Variants in GPT2 observed in about 807,000 individuals in gnomAD.
GPT2 encodes the protein alanine aminotransferase 2.
GPT2 carries 30 observed loss-of-function variants against 56.9 expected under a neutral mutation model. The ratio of observed to expected loss-of-function variants is 0.53; its 90% CI spans 0.39 to 0.72. The LOEUF is 0.72. GPT2 is among the 30% of genes least tolerant of loss of function. GPT2 has a pLI of 0.00. For missense variants in GPT2, 542 were observed against 703.4 expected, an observed-to-expected ratio of 0.77 and a Z score of 2.60; for synonymous variants, 271 against 283.1, an observed-to-expected ratio of 0.96 and a Z score of 0.43.
At chr16:46,896,452 CTT>C (rs375141675) in intron 2 of GPT2, among the ~76,000 whole-genome samples, 3 of 145,016 alleles carry the variant, frequency 2.1e-5, no homozygotes, top group Non-Finnish European at 1.5e-5. Context: ...ATCCCTGATG[CTT>C]TTTTTTTTTT....
chr16:46,918,908 C>A (rs937097185), intron 8 of GPT2, 151 bp downstream of exon 8: 2 of 967,396 alleles, frequency 2.1e-6, no homozygotes, highest in Non-Finnish European at 3.0e-6. Context: ...GTGGGAGAGC[C>A]GTGGTGTGAG....
chr16:46,894,432 C>A (rs1008484802), intron 2 of GPT2, among the ~76,000 whole-genome samples: 3 of 152,208 alleles, frequency 2.0e-5, no homozygotes, highest in Admixed American at 2.0e-4. Flanking sequence ...TGAGCAAGGA[C>A]CCCATGCCAG....
At chr16:46,920,818 TTC>T (rs1961273250) in intron 8 of GPT2, among the ~76,000 whole-genome samples, 1 of 152,146 alleles carries the variant, frequency 6.6e-6, no homozygotes, top group African/African-American at 2.4e-5. Context: ...AACAAATCTG[TTC>T]TCGGTGAACT....
intron 3 of GPT2, among the ~76,000 whole-genome samples, chr16:46,899,016 TATATATATATATATATATA>T (rs1567335235): frequency 0.18 from 1,461 of 7,970 alleles, 31 homozygotes; most frequent in African/African-American, 0.29. Flanking sequence ...TATATATATA[TATATATATATATATATATA>T]TTTTTTTTTT....
intron 4 of GPT2, among the ~76,000 whole-genome samples, chr16:46,904,411 TTAAA>T (rs1273669185): frequency 6.6e-6 from 1 of 152,206 alleles, no homozygotes; most frequent in East Asian, 1.9e-4. Context: ...ACCTTGTCTC[TTAAA>T]TAAACTAATA....
At chr16:46,913,877 G>A (rs1354605452) in intron 6 of GPT2, among the ~76,000 whole-genome samples, 1 of 152,134 alleles carries the variant, frequency 6.6e-6, no homozygotes, top group African/African-American at 2.4e-5. Flanking sequence ...GTTTGAGGCT[G>A]CAGTGAGCTA....
intron 2 of GPT2, among the ~76,000 whole-genome samples, chr16:46,891,093 G>T (rs1274278817): frequency 6.6e-6 from 1 of 151,868 alleles, no homozygotes; most frequent in Non-Finnish European, 1.5e-5. Context: ...GGCGGGTCTC[G>T]ACCTCCCAAC....
At chr16:46,898,135 G>A (rs1038781275) in intron 3 of GPT2, among the ~76,000 whole-genome samples, 1 of 152,222 alleles carries the variant, frequency 6.6e-6, no homozygotes, top group Admixed American at 6.5e-5. Context: ...CCTCCTGGGT[G>A]TGAGTGTGGG....
chr16:46,903,515 C>T (rs1960860762), intron 4 of GPT2, among the ~76,000 whole-genome samples: 1 of 152,106 alleles, frequency 6.6e-6, no homozygotes, highest in Non-Finnish European at 1.5e-5. Context: ...CACTGTTGTC[C>T]AGGCTACTCT....
At position 46,929,789 on chromosome 16, in the gene GPT2, C is replaced by CG. The variant is rs1389621986; in HGVS notation, c.*794dup. On this transcript the variant is annotated 3_prime_UTR_variant, in exon 12 of 12. Transcript: ENST00000340124. ...AATTTCAGTGACACATAGTGCAGCC[C>CG]GGCAGTGTCCCACTTCCGTGGAGAG... 6.6e-6 allele frequency: 1 copy of CG among 152,394 alleles called. No homozygotes were observed. Among genetic ancestry groups the CG allele is most frequent in the African/African-American group, 2.4e-5 (1 of 41,476 alleles). The allele number at this position is 152,394 out of a possible 1,614,324, so 9.4% of individuals were successfully genotyped here.
At chr16:46,918,429 C>T (rs962743780) in intron 7 of GPT2, among the ~76,000 whole-genome samples, 192 bp from the exon 8 acceptor site, 1 of 152,206 alleles carries the variant, frequency 6.6e-6, no homozygotes, top group Non-Finnish European at 1.5e-5. Flanking sequence ...AGCATCCAGC[C>T]TGAGGCCTTG....
chr16:46,893,451 C>T (rs1253258575), intron 2 of GPT2, among the ~76,000 whole-genome samples: 12 of 152,176 alleles, frequency 7.9e-5, no homozygotes, highest in African/African-American at 2.9e-4. Flanking sequence ...TATTTTTGAT[C>T]CACGGTTGGT....
At chr16:46,893,121 TTG>T (rs869091947) in intron 2 of GPT2, among the ~76,000 whole-genome samples, 11 of 4,378 alleles carry the variant, frequency 2.5e-3, no homozygotes, top group East Asian at 0.077. Flanking sequence ...CCTGAATTTT[TTG>T]TTTGTTTGTT....
intron 2 of GPT2, among the ~76,000 whole-genome samples, chr16:46,893,903 G>C (rs1190227079): frequency 6.6e-6 from 1 of 152,174 alleles, no homozygotes; most frequent in Non-Finnish European, 1.5e-5. Context: ...AGGTTCCCAT[G>C]GGTGCTGTGC....
intron 3 of GPT2, among the ~76,000 whole-genome samples, chr16:46,898,844 C>T (rs1960737678): frequency 1.3e-5 from 2 of 148,366 alleles, no homozygotes; most frequent in African/African-American, 2.5e-5. Context: ...GCCACCATAC[C>T]TGGCCTGTTT....
chr16:46,892,270 T>A (rs1960600810), intron 2 of GPT2, among the ~76,000 whole-genome samples: 1 of 152,244 alleles, frequency 6.6e-6, no homozygotes, highest in South Asian at 2.1e-4. Flanking sequence ...GATTTTCTTA[T>A]TTTTTAAATG....
Position 46,899,018 on chromosome 16 carries a change from TATATATATATATATATA to T in GPT2, c.333+1282_333+1298del, listed in dbSNP as rs1396456851. 8.6e-3 allele frequency among the ~76,000 whole-genome samples: 55 copies of T among 6,364 alleles called. 1 individual carries two copies. Among genetic ancestry groups the T allele is most frequent in the Admixed American group, 0.019 (8 of 428 alleles). 4.2% of individuals were successfully genotyped at this position (6,364 alleles called of 152,430 possible). A position where few individuals can be genotyped will look rare whatever the true frequency, so the allele number is the denominator to read the frequency against. ...ACACACATATATATATATATATATA[TATATATATATATATATA>T]TTTTTTTTTTTTTAGAGACAGAGTC... On this transcript the variant is annotated intron_variant, in intron 3 of 11. Coordinates refer to ENST00000340124, the MANE Select transcript of GPT2 (RefSeq NM_133443.4).
chr16:46,927,065 T>C, intron 11 of GPT2, 28 bp downstream of exon 11: 1 of 1,422,982 alleles, frequency 7.0e-7, no homozygotes, highest in African/African-American at 1.4e-5. Flanking sequence ...CACTAGGGGC[T>C]GGTCCGGGTC....
chr16:46,898,864 TTATATACATATATATATA>T (rs1161060819), intron 3 of GPT2, among the ~76,000 whole-genome samples: 4 of 144,858 alleles, frequency 2.8e-5, no homozygotes, highest in African/African-American at 5.1e-5. Flanking sequence ...TTATTTATAT[TTATATACATATATATATA>T]TATATACGTA....
Sources: allele counts gnomAD v4.1 joint callset (sites outside exome capture counted in the v4.1 genomes callset), GRCh38; gene constraint gnomAD v4.1.1; transcripts MANE v1.5; gene names NCBI Gene and HGNC (gene_info 2026-07-23, HGNC 2026-07-21).